VSIG10: variants seen among roughly 807,000 people sequenced by gnomAD.
VSIG10 encodes the protein V-set and immunoglobulin domain-containing protein 10.
VSIG10 carries 48 observed loss-of-function variants against 58.7 expected under a neutral mutation model. That is an observed-to-expected ratio of 0.82 (90% confidence interval 0.65 to 1.04). The LOEUF (loss-of-function observed/expected upper bound fraction) is 1.04. Ranked by LOEUF, VSIG10 falls within the 50% of genes least tolerant of loss-of-function variation. VSIG10 has a pLI of 0.00. For synonymous variants in VSIG10, 260 were observed against 267.1 expected, an observed-to-expected ratio of 0.97 and a Z score of 0.26; for missense variants, 628 against 670.0, an observed-to-expected ratio of 0.94 and a Z score of 0.69.
At chr12:118,074,592 C>T (rs953297135) in intron 4 of VSIG10, among the ~76,000 whole-genome samples, 18 of 151,716 alleles carry the variant, frequency 1.2e-4, no homozygotes, top group Non-Finnish European at 2.9e-5. Flanking sequence ...GATTTTCCTG[C>T]CTCAGCCTCC....
At chr12:118,070,348 G>C (rs1188168669) in intron 7 of VSIG10, among the ~76,000 whole-genome samples, 1 of 152,060 alleles carries the variant, frequency 6.6e-6, no homozygotes, top group South Asian at 2.1e-4. Flanking sequence ...AGGAGTTTGA[G>C]ACTAGCCTGG....
chr12:118,099,521 A>C (rs2033568437), intron 1 of VSIG10, among the ~76,000 whole-genome samples: 1 of 152,170 alleles, frequency 6.6e-6, no homozygotes, highest in Non-Finnish European at 1.5e-5. Context: ...AGCAAATGCA[A>C]CCCATTTTGC....
At chr12:118,086,184 T>TGGGCA (rs2033121605) in intron 2 of VSIG10, among the ~76,000 whole-genome samples, 1 of 147,028 alleles carries the variant, frequency 6.8e-6, no homozygotes, top group South Asian at 2.2e-4. Flanking sequence ...CAAAGTCAGC[T>TGGGCA]GGGCACGGTG....
At chr12:118,081,845 C>T (rs973768505) in intron 3 of VSIG10, among the ~76,000 whole-genome samples, 8 of 152,136 alleles carry the variant, frequency 5.3e-5, no homozygotes, top group Admixed American at 1.3e-4. Context: ...GGAGAAACCC[C>T]GTCTCTACTA....
chr12:118,097,531 C>G (rs1408351935), intron 1 of VSIG10, among the ~76,000 whole-genome samples: 1 of 151,612 alleles, frequency 6.6e-6, no homozygotes, highest in East Asian at 1.9e-4. Flanking sequence ...ACGAGAATCA[C>G]TTGAACCCAG....
Position 118,071,049 on chromosome 12 carries a change from C to T in VSIG10, c.1346+3G>A. 1.2e-6 allele frequency: 2 copies of T among 1,601,540 alleles called. No individual in the cohort carries two copies. Among genetic ancestry groups the T allele is most frequent in the Non-Finnish European group, 1.7e-6 (2 of 1,173,734 alleles). On this transcript the variant is annotated splice_donor_region_variant and intron_variant, in intron 7 of 8. Coordinates refer to ENST00000359236, the MANE Select transcript of VSIG10 (RefSeq NM_019086.6). Reference sequence around the variant, plus strand: ...GTTTGGTTTGATTCTAGGGAACACTCACCTGGAAGTGTTTCCTACTGAAGA... The same window carrying T: ...GTTTGGTTTGATTCTAGGGAACACTTACCTGGAAGTGTTTCCTACTGAAGA...
chr12:118,086,228 G>A (rs1421464183), intron 2 of VSIG10, among the ~76,000 whole-genome samples: 6 of 151,482 alleles, frequency 4.0e-5, no homozygotes, highest in Non-Finnish European at 8.8e-5. Flanking sequence ...TTTGGGAGGC[G>A]GAGGCAGGCG....
chr12:118,077,852 C>T (rs2032787437), intron 4 of VSIG10, among the ~76,000 whole-genome samples: 1 of 152,188 alleles, frequency 6.6e-6, no homozygotes, highest in South Asian at 2.1e-4. Flanking sequence ...GCCCCGCAAC[C>T]TTCAATTCTT....
intron 5 of VSIG10, among the ~76,000 whole-genome samples, chr12:118,072,542 A>G (rs1337368994): frequency 1.3e-5 from 2 of 150,936 alleles, no homozygotes; most frequent in African/African-American, 4.9e-5. Context: ...AAGGGAGAAG[A>G]GAAAGGAAAA....
At chr12:118,094,896 C>T (rs556108895) in intron 2 of VSIG10, among the ~76,000 whole-genome samples, 21 of 149,206 alleles carry the variant, frequency 1.4e-4, no homozygotes, top group Non-Finnish European at 2.5e-4. Flanking sequence ...GCCACCATGC[C>T]TGGCGAATTT....
chr12:118,098,707 G>C (rs569812814), intron 1 of VSIG10, among the ~76,000 whole-genome samples: 4 of 152,252 alleles, frequency 2.6e-5, no homozygotes, highest in South Asian at 2.1e-4. Flanking sequence ...GGACAAGTAG[G>C]AATCAGCCAA....
chr12:118,067,789 T>G (rs1165254541), intron 8 of VSIG10, among the ~76,000 whole-genome samples: 1 of 152,028 alleles, frequency 6.6e-6, no homozygotes, highest in Non-Finnish European at 1.5e-5. Flanking sequence ...GCTCCCTGCA[T>G]GCAGACACTA....
intron 5 of VSIG10, among the ~76,000 whole-genome samples, chr12:118,072,642 C>T (rs1379370945): frequency 6.6e-6 from 1 of 152,018 alleles, no homozygotes; most frequent in Admixed American, 6.6e-5. Context: ...AGGCTCACTT[C>T]AGGCCAGGAG....
intron 2 of VSIG10, among the ~76,000 whole-genome samples, chr12:118,093,134 A>C (rs979925716): frequency 0.032 from 44 of 1,364 alleles, no homozygotes; most frequent in Non-Finnish European, 0.013. Context: ...CTAAAAATAC[A>C]AAAAAAAAAA....
At position 118,103,692 on chromosome 12, in the gene VSIG10, A is replaced by T. The variant is rs773260759; in HGVS notation, c.-21T>A. ...GCCATCTCGCCCCAGATCCCGGCTC[A>T]GGAAACGCAGGCTCGGGCTGGGCTG... is the stretch of plus-strand genomic sequence containing the variant. On this transcript the variant is annotated 5_prime_UTR_variant, in exon 1 of 9. Transcript: ENST00000359236. 1 of 1,473,332 alleles carries T rather than the reference A, an allele frequency of 6.8e-7. No homozygotes were observed. The allele number at this position is 1,473,332 out of a possible 1,614,324, so 91.3% of individuals were successfully genotyped here.
In VSIG10 at chr12:118,073,786, A is replaced by G. The variant is rs2032596691; in HGVS notation, c.1132T>C (p.Ser378Pro). 6.2e-7 allele frequency: 1 copy of G among 1,613,810 alleles called. No individual in the cohort carries two copies. The change falls in exon 5 of 9, where the codon TCC becomes CCC. Residue 378 changes from serine to proline, a missense_variant. By Grantham distance (74) the Ser-to-Pro change is moderately conservative. Coordinates refer to ENST00000359236, the MANE Select transcript of VSIG10 (RefSeq NM_019086.6). ...TAGTAGCCCTCATCCAGGTCCTGGG[A>G]GCAGTTGTGGATAGTGAGGGTGGAG... ...QNSTLTIHNC[S>P]QDLDEGYYIC...
chr12:118,082,483 T>C (rs2032991486), intron 2 of VSIG10, 54 bp from the exon 3 acceptor site: 2 of 1,522,206 alleles, frequency 1.3e-6, no homozygotes, highest in Non-Finnish European at 1.8e-6. Flanking sequence ...GCTCATTCGA[T>C]TGCCTTACCA....
chr12:118,092,928 A>G (rs1480531396), intron 2 of VSIG10, among the ~76,000 whole-genome samples: 1 of 125,876 alleles, frequency 7.9e-6, no homozygotes, highest in Non-Finnish European at 1.8e-5. Flanking sequence ...GACCCACTGC[A>G]TCTGGCTTTC....
Position 118,073,744 on chromosome 12 carries a change from T to A in VSIG10, c.1174A>T (p.Ser392Cys), listed in dbSNP as rs767332952. The stretch of plus-strand genomic sequence containing the variant: ...TCCATCTCCCTCACCCCTACAGGGC[T>A]GTCAGCTCGGCAGATGTAGTAGCCC... Reference protein sequence around the residue: ...DEGYYICRADSPVGVREMEIW... With the variant: ...DEGYYICRADCPVGVREMEIW... The change falls in exon 5 of 9, where the codon AGC (serine) becomes TGC (cysteine). Residue 392 changes from serine (S) to cysteine (C), a missense_variant. Physicochemically the swap from Ser to Cys is moderately radical, Grantham distance 112 (BLOSUM62 -1). Coordinates refer to ENST00000359236, the MANE Select transcript of VSIG10 (RefSeq NM_019086.6). 1 of 1,613,940 alleles carries A rather than the reference T, an allele frequency of 6.2e-7. No individual in the cohort carries two copies. The highest frequency in any genetic ancestry group is 8.5e-7 in the Non-Finnish European group (1 of 1,179,864).
Sources: allele counts gnomAD v4.1 joint callset (sites outside exome capture counted in the v4.1 genomes callset), GRCh38; gene constraint gnomAD v4.1.1; transcripts MANE v1.5; gene names NCBI Gene and HGNC (gene_info 2026-07-23, HGNC 2026-07-21).